The following NAV2 variants were observed in gnomAD, a reference collection of about 807,000 sequenced individuals.
NAV2 encodes helicase, APC down-regulated 1.
A neutral mutation model predicts 223.2 loss-of-function variants in NAV2; 54 were observed. That is an observed-to-expected ratio of 0.24 (90% CI 0.19 to 0.30). The LOEUF (loss-of-function observed/expected upper bound fraction) is 0.30, where lower values mean the gene tolerates loss of function less well. Ranked by LOEUF, NAV2 falls within the 10% of genes least tolerant of loss-of-function variation. NAV2 has a pLI of 1.00. For synonymous variants in NAV2, 1,279 were observed against 1,239.3 expected, an observed-to-expected ratio of 1.03 and a Z score of -0.67; for missense variants, 2,806 against 3,147.5, an observed-to-expected ratio of 0.89 and a Z score of 2.60.
chr11:19,981,208 C>T (rs2050255576), intron 10 of NAV2: 1 of 152,202 alleles, frequency 6.6e-6, no homozygotes, highest in Non-Finnish European at 1.5e-5. Context: ...AAAACAAAGT[C>T]AGAATTCCCA....
Position 20,044,189 on chromosome 11 carries a change from G to C in NAV2, c.3116G>C (p.Arg1039Pro). ...PVISQTGSWR[R>P]GMTAQVGITM... ...ATCTCCCAGACAGGCTCATGGCGGC[G>C]AGGCATGACAGCTCAGGTGGGCATC... Residue 1039 changes from arginine to proline, a missense_variant, in exon 13 of 38, where the codon CGA becomes CCA. Arg to Pro is a moderately radical substitution (Grantham distance 103). Around this residue, in one of 4 missense-constraint regions of NAV2, gnomAD observed 742 missense variants for 777.9 expected, o/e 0.95. Coordinates refer to ENST00000349880, the MANE Select transcript of NAV2 (RefSeq NM_145117.5). 2 of 1,614,168 alleles carry C rather than the reference G, an allele frequency of 1.2e-6. No homozygotes were observed. Among genetic ancestry groups the C allele is most frequent in the South Asian group, 2.2e-5 (2 of 91,078 alleles).
chr11:19,947,458 T>C (rs554580984), intron 9 of NAV2, among the ~76,000 whole-genome samples: 4 of 152,228 alleles, frequency 2.6e-5, no homozygotes, highest in Admixed American at 2.0e-4. Flanking sequence ...ATATTGGATC[T>C]TGTGACTCTA....
At chr11:19,452,425 C>T (rs1851821838) in intron 1 of NAV2, among the ~76,000 whole-genome samples, 1 of 152,080 alleles carries the variant, frequency 6.6e-6, no homozygotes, top group Non-Finnish European at 1.5e-5. Context: ...CCAAAAAGAC[C>T]TCTAGGACAG....
At chr11:19,460,270 G>A (rs1200582842) in intron 1 of NAV2, among the ~76,000 whole-genome samples, 1 of 152,156 alleles carries the variant, frequency 6.6e-6, no homozygotes, top group South Asian at 2.1e-4. Flanking sequence ...AAAGAATGTG[G>A]GGTTGGGCTT....
intron 22 of NAV2, among the ~76,000 whole-genome samples, chr11:20,076,245 T>A (rs1384308482): frequency 6.6e-6 from 1 of 151,492 alleles, no homozygotes; most frequent in Non-Finnish European, 1.5e-5. Context: ...CTCTAAATCC[T>A]GTTCCCTTCC....
intron 12 of NAV2, among the ~76,000 whole-genome samples, chr11:20,043,548 C>T (rs971526023): frequency 6.6e-6 from 1 of 152,098 alleles, no homozygotes; most frequent in African/African-American, 2.4e-5. Flanking sequence ...CCGGGGTGAT[C>T]CTCCCACCTC....
chr11:19,365,352 T>A (rs973270940), intron 1 of NAV2, among the ~76,000 whole-genome samples: 9 of 152,230 alleles, frequency 5.9e-5, no homozygotes, highest in Admixed American at 5.2e-4. Context: ...TCCTACCCGA[T>A]ACATCATTTC....
intron 1 of NAV2, among the ~76,000 whole-genome samples, chr11:19,405,908 T>C (rs1590140458): frequency 6.6e-6 from 1 of 152,214 alleles, no homozygotes; most frequent in South Asian, 2.1e-4. Context: ...AGGGATGTCA[T>C]AGTCATCGCC....
intron 1 of NAV2, among the ~76,000 whole-genome samples, chr11:19,556,072 G>A (rs2044878200): frequency 6.6e-6 from 1 of 152,020 alleles, no homozygotes; most frequent in Non-Finnish European, 1.5e-5. Context: ...CTGATTCCAT[G>A]TGCTTGCAGC....
chr11:20,043,033 G>A (rs1263639106), intron 12 of NAV2, among the ~76,000 whole-genome samples: 3 of 152,170 alleles, frequency 2.0e-5, no homozygotes, highest in Non-Finnish European at 2.9e-5. Flanking sequence ...AATCCCACAA[G>A]GGGAGCAAAG....
At chr11:19,401,390 G>C (rs1176404715) in intron 1 of NAV2, among the ~76,000 whole-genome samples, 1 of 152,212 alleles carries the variant, frequency 6.6e-6, no homozygotes, top group East Asian at 1.9e-4. Context: ...TGTCTTATTG[G>C]TGTTGATAGG....
intron 8 of NAV2, among the ~76,000 whole-genome samples, chr11:19,940,737 C>T (rs2046336874): frequency 6.6e-6 from 1 of 152,152 alleles, no homozygotes. Flanking sequence ...CAATTAGCCC[C>T]AGTGATTAAT....
intron 1 of NAV2, among the ~76,000 whole-genome samples, chr11:19,525,917 G>T (rs2632066): frequency 0.4 from 61,118 of 151,800 alleles, 12,584 homozygotes; most frequent in African/African-American, 0.46. Context: ...AGGGGAAGCT[G>T]GACGTGTATC....
At chr11:19,616,102 T>G (rs1399529578) in intron 1 of NAV2, among the ~76,000 whole-genome samples, 1 of 152,058 alleles carries the variant, frequency 6.6e-6, no homozygotes, top group East Asian at 1.9e-4. Context: ...AGTGGAAACA[T>G]TCACGGGGTT....
At position 19,378,305 on chromosome 11, in the gene NAV2, G is replaced by T. The variant is rs146686222; in HGVS notation, c.75+27278G>T. On this transcript the variant is annotated intron_variant, in intron 1 of 37. Transcript: ENST00000360655. The stretch of plus-strand genomic sequence containing the variant: ...GCCCGCTTCATTTTCACGTCCAGTC[G>T]TCACCACCTTGGGGTATTCCTTTAG... Among the ~76,000 whole-genome samples, 309 of 152,180 alleles carry T rather than the reference G, an allele frequency of 2.0e-3. 2 individuals are homozygous for T. Among genetic ancestry groups the T allele is most frequent in the African/African-American group, 7.0e-3 (289 of 41,518 alleles).
intron 36 of NAV2, among the ~76,000 whole-genome samples, chr11:20,110,583 C>T (rs556666297): frequency 5.8e-4 from 89 of 152,284 alleles, no homozygotes; most frequent in Non-Finnish European, 1.0e-3. Flanking sequence ...CCAGGACTAG[C>T]TGGCCCCTTG....
At chr11:19,347,072 C>G (rs151158791), upstream of NAV2, among the ~76,000 whole-genome samples, 2 of 152,132 alleles carry the variant, frequency 1.3e-5, no homozygotes, top group Admixed American at 1.3e-4. Flanking sequence ...TTCCCCAGTC[C>G]CGGCAGCCAC....
At chr11:19,785,683 T>C (rs1254956021) in intron 1 of NAV2, among the ~76,000 whole-genome samples, 1 of 151,158 alleles carries the variant, frequency 6.6e-6, no homozygotes, top group African/African-American at 2.5e-5. Context: ...CAGTAGTAAA[T>C]GTTCTGTCCA....
At chr11:19,974,562 A>G (rs1240419132) in intron 10 of NAV2, among the ~76,000 whole-genome samples, 4 of 152,238 alleles carry the variant, frequency 2.6e-5, no homozygotes, top group Non-Finnish European at 4.4e-5. Context: ...ATGTGGGAAG[A>G]TGGCTTGAGC....
Sources: gnomAD v4.1 joint callset for allele counts (sites outside exome capture counted in the v4.1 genomes callset) on GRCh38, gnomAD v4.1.1 for gene constraint, gnomAD v4.1.1 regional missense constraint, MANE v1.5 for transcripts, NCBI Gene and HGNC (gene_info 2026-07-23, HGNC 2026-07-21) for gene names.